SHISA9: variants seen among roughly 807,000 people sequenced by gnomAD.
The protein encoded by SHISA9 is protein shisa-9.
In SHISA9, 13 loss-of-function variants were observed where a neutral mutation model predicts 38.0. That is an observed-to-expected ratio of 0.34 (90% CI 0.22 to 0.54). The LOEUF is 0.54. Ranked by LOEUF, SHISA9 falls within the 20% of genes least tolerant of loss-of-function variation. SHISA9 has a pLI of 0.91. For missense variants in SHISA9, 538 were observed against 575.8 expected, an observed-to-expected ratio of 0.93 and a Z score of 0.67; for synonymous variants, 275 against 242.0, an observed-to-expected ratio of 1.14 and a Z score of -1.27.
At chr16:12,933,950 A>G (rs2071494399) in intron 2 of SHISA9, among the ~76,000 whole-genome samples, 1 of 152,150 alleles carries the variant, frequency 6.6e-6, no homozygotes, top group African/African-American at 2.4e-5. Flanking sequence ...AAAAAATAAC[A>G]AGGCTGGTGT....
chr16:12,923,557 C>T (rs573768640), intron 2 of SHISA9, among the ~76,000 whole-genome samples: 8 of 151,582 alleles, frequency 5.3e-5, no homozygotes, highest in East Asian at 1.9e-4. Context: ...TTTTGGGAGA[C>T]GGTAATGAAA....
rs2051400121 is a variant in SHISA9 at position 13,237,719 on chromosome 16, G to A, written c.*2310G>A. On this transcript the variant is annotated 3_prime_UTR_variant, in exon 5 of 5. Coordinates refer to ENST00000558583, the MANE Select transcript of SHISA9 (RefSeq NM_001145204.3). The stretch of plus-strand genomic sequence containing the variant: ...AGAACGCATAATAGGAGATCTCCAT[G>A]TATAAAAAGGTACCATGCTGTACAA... The A allele has an allele frequency of 7.3e-5, 11 of 151,162 alleles. 1 individual carries two copies. The South Asian group carries it at 2.3e-3, about 32-fold the overall frequency. The allele number at this position is 151,162 out of a possible 1,614,324, so 9.4% of individuals were successfully genotyped here.
At chr16:13,000,694 C>T (rs539715152) in intron 2 of SHISA9, among the ~76,000 whole-genome samples, 6 of 152,218 alleles carry the variant, frequency 3.9e-5, no homozygotes, top group South Asian at 2.1e-4. Context: ...CGGGGGATGA[C>T]GCATGGGGAT....
chr16:13,515,411 A>G, the SHISA9 span, among the ~76,000 whole-genome samples: 1 of 152,124 alleles, frequency 6.6e-6, no homozygotes, highest in East Asian at 1.9e-4. Context: ...TTTTTCTTAT[A>G]TTTTAAATTT....
At chr16:13,465,781 C>T in the SHISA9 span, among the ~76,000 whole-genome samples, 6 of 152,252 alleles carry the variant, frequency 3.9e-5, no homozygotes, top group East Asian at 1.2e-3. Flanking sequence ...GAAAAAGCTG[C>T]TGCAACGATT....
chr16:13,130,938 G>A (rs1292162769), intron 2 of SHISA9, among the ~76,000 whole-genome samples: 1 of 152,168 alleles, frequency 6.6e-6, no homozygotes, highest in African/African-American at 2.4e-5. Context: ...AGTCAGAATG[G>A]GGATTATTAA....
intron 2 of SHISA9, among the ~76,000 whole-genome samples, chr16:13,046,647 C>T (rs2073191613): frequency 6.6e-6 from 1 of 152,202 alleles, no homozygotes; most frequent in Non-Finnish European, 1.5e-5. Context: ...CTCCCTATTG[C>T]TTTAACAAAG....
chr16:13,344,576 G>A, the SHISA9 span, among the ~76,000 whole-genome samples: 3 of 152,028 alleles, frequency 2.0e-5, no homozygotes, highest in Non-Finnish European at 4.4e-5. Flanking sequence ...AGAATAACAT[G>A]GTAATAATAT....
rs138373110 is a variant in SHISA9 at position 13,137,575 on chromosome 16, C to G, written c.692-65819C>G. ...GGTTCAAGTGATTCTTCTGTCTCAG[C>G]CTCTCGAATAGCTGGGACTACAGGT... On this transcript the variant is annotated intron_variant, in intron 2 of 4. Coordinates refer to ENST00000558583, the MANE Select transcript of SHISA9 (RefSeq NM_001145204.3). Among the ~76,000 whole-genome samples, 52 of 152,016 alleles carry G rather than the reference C, an allele frequency of 3.4e-4. 1 individual carries two copies. In the East Asian group the frequency reaches 9.7e-3, roughly 28 times the overall value.
intron 2 of SHISA9, among the ~76,000 whole-genome samples, chr16:12,969,807 C>T (rs2072031390): frequency 1.3e-5 from 2 of 152,002 alleles, no homozygotes; most frequent in African/African-American, 4.8e-5. Flanking sequence ...AAACAGAAAA[C>T]AAATAAATGA....
intron 2 of SHISA9, among the ~76,000 whole-genome samples, chr16:13,186,738 C>G (rs544300988): frequency 6.6e-6 from 1 of 152,314 alleles, no homozygotes; most frequent in Admixed American, 6.5e-5. Context: ...CCCCGCTTCT[C>G]CAGCCCCTGG....
intron 2 of SHISA9, among the ~76,000 whole-genome samples, chr16:13,103,225 G>A (rs765893617): frequency 3.3e-5 from 5 of 152,146 alleles, no homozygotes; most frequent in African/African-American, 4.8e-5. Flanking sequence ...ACACTCTTCC[G>A]GAACTTCACA....
chr16:13,287,752 C>T, the SHISA9 span, among the ~76,000 whole-genome samples: 1 of 152,122 alleles, frequency 6.6e-6, no homozygotes. Flanking sequence ...CAGGGACCAC[C>T]TAAGTGAGTG....
chr16:13,430,523 G>A, the SHISA9 span, among the ~76,000 whole-genome samples: 3 of 152,054 alleles, frequency 2.0e-5, no homozygotes, highest in African/African-American at 2.4e-5. Context: ...TTACCCGGTG[G>A]GTTTTCAGAC....
At chr16:13,099,224 G>C (rs1256569263) in intron 2 of SHISA9, among the ~76,000 whole-genome samples, 1 of 152,206 alleles carries the variant, frequency 6.6e-6, no homozygotes, top group Non-Finnish European at 1.5e-5. Context: ...CTTACAATAT[G>C]TAGTCTCTGG....
At chr16:13,303,286 C>G in the SHISA9 span, among the ~76,000 whole-genome samples, 1 of 152,130 alleles carries the variant, frequency 6.6e-6, no homozygotes, top group African/African-American at 2.4e-5. Context: ...ATGTTCATAA[C>G]AGCTGTATTC....
chr16:13,447,348 C>A, the SHISA9 span, among the ~76,000 whole-genome samples: 1 of 151,752 alleles, frequency 6.6e-6, no homozygotes, highest in African/African-American at 2.4e-5. Flanking sequence ...TGCGGATTTG[C>A]GTTCTACACA....
At chr16:12,910,620 A>T in intron 1 of SHISA9, 1 of 985,456 alleles carries the variant, frequency 1.0e-6, no homozygotes, top group Non-Finnish European at 1.2e-6. Context: ...CAACATAATT[A>T]TGTTTCAACA....
intron 2 of SHISA9, among the ~76,000 whole-genome samples, chr16:13,187,328 C>CTTTTCTTTTCTTTT (rs1450024008): frequency 8.8e-5 from 8 of 90,674 alleles, no homozygotes; most frequent in Admixed American, 1.3e-4. Context: ...CTTTTCTTTT[C>CTTTTCTTTTCTTTT]TTTTTTTTTT....
Sources: gnomAD v4.1 joint callset for allele counts (sites outside exome capture counted in the v4.1 genomes callset) on GRCh38, gnomAD v4.1.1 for gene constraint, MANE v1.5 for transcripts, NCBI Gene and HGNC (gene_info 2026-07-23, HGNC 2026-07-21) for gene names.